Variants in EPHX2 observed in about 807,000 individuals in gnomAD.
EPHX2 encodes bifunctional epoxide hydrolase 2.
In EPHX2, 74 loss-of-function variants were observed where a neutral mutation model predicts 78.7. The observed-to-expected ratio is 0.94, with a 90% confidence interval of 0.78 to 1.14. EPHX2 has a LOEUF of 1.14. EPHX2 is among the 50% of genes most tolerant of loss of function. The pLI is 0.00. For missense variants in EPHX2, 715 were observed against 702.5 expected (o/e 1.02, Z -0.20); for synonymous variants, 251 against 255.2 (o/e 0.98, Z 0.16).
rs572291575 is a variant in EPHX2, at chr8:27,524,215, G to A, written c.1059-1147G>A. On this transcript the variant is annotated intron_variant, in intron 11 of 18. Coordinates refer to ENST00000521400, the MANE Select transcript of EPHX2 (RefSeq NM_001979.6). ...CCCAAAGTGCTGAGATTACAGGCAT[G>A]AGCCACTATGCTTGTCCGTCTTTTC... 9.8e-5 allele frequency among the ~76,000 whole-genome samples: 15 copies of A among 152,300 alleles called. No homozygotes were observed. In the South Asian group the frequency reaches 2.7e-3, roughly 27 times the overall value.
intron 1 of EPHX2, among the ~76,000 whole-genome samples, chr8:27,499,538 T>C (rs938549532): frequency 1.3e-5 from 2 of 152,204 alleles, no homozygotes; most frequent in African/African-American, 4.8e-5. Context: ...ATATTTGTTC[T>C]GTTACTCAGG....
chr8:27,518,731 C>T (rs1040506377), intron 9 of EPHX2, among the ~76,000 whole-genome samples: 2 of 152,240 alleles, frequency 1.3e-5, no homozygotes, highest in African/African-American at 4.8e-5. Context: ...GGGCTTCTCC[C>T]CCTCATGTGT....
rs191198725 is a variant in EPHX2 at position 27,532,236 on chromosome 8, C to A, written c.1171-4548C>A. On this transcript the variant is annotated intron_variant, in intron 12 of 18. Transcript: ENST00000521400. ...TCCCCTCAGCCCCCACATCAAGATA[C>A]CCCCTGGAGACATGCTTTAGTGTAA... Among the ~76,000 whole-genome samples the A allele has an allele frequency of 7.2e-5, 11 of 152,210 alleles. No individual in the cohort carries two copies. In the East Asian group the frequency reaches 1.6e-3, roughly 21 times the overall value.
intron 12 of EPHX2, 24 bp from the exon 13 acceptor site, chr8:27,536,760 A>AT: frequency 6.2e-7 from 1 of 1,610,594 alleles, no homozygotes; most frequent in Non-Finnish European, 8.5e-7. Context: ...GGGGTCCTTC[A>AT]TTTTGCTTTC....
In EPHX2 at chr8:27,537,001, A is replaced by G. The variant is rs565213143; in HGVS notation, c.1242+146A>G. Reference sequence around the variant, plus strand: ...TCAGGGTAATTGAGGTCCTCACTCTACTGGGAAAATTTACATCCTCGTTGA... The same window carrying G: ...TCAGGGTAATTGAGGTCCTCACTCTGCTGGGAAAATTTACATCCTCGTTGA... On this transcript the variant is annotated intron_variant, in intron 13 of 18. Coordinates refer to ENST00000521400, the MANE Select transcript of EPHX2 (RefSeq NM_001979.6). 7 of 751,128 alleles carry G rather than the reference A, an allele frequency of 9.3e-6. No homozygotes were observed. The South Asian group carries it at 1.2e-4, about 13-fold the overall frequency. The allele number at this position is 751,128 out of a possible 1,614,324, so 46.5% of individuals were successfully genotyped here.
intron 6 of EPHX2, among the ~76,000 whole-genome samples, chr8:27,514,090 G>GAA (rs1814353759): frequency 3.9e-5 from 6 of 152,332 alleles, no homozygotes; most frequent in African/African-American, 1.4e-4. Context: ...GGCCAAGGCA[G>GAA]GAGGATCACT....
Position 27,544,465 on chromosome 8 carries a change from C to A in EPHX2, c.1611C>A (p.Ile537=). ...CCAGGCCAACCGAGGTGAATCAGAT[C>A]CTCATTAAGTGGCTGGATTCTGATG... ...QMDKPTEVNQ[I]LIKWLDSDAR... is the part of the protein sequence containing the mutation. Residue 537 remains isoleucine, a synonymous_variant, in exon 19 of 19, where the codon ATC becomes ATA. Coordinates refer to ENST00000521400, the MANE Select transcript of EPHX2 (RefSeq NM_001979.6). 2 of 1,614,024 alleles carry A rather than the reference C, an allele frequency of 1.2e-6. No individual in the cohort carries two copies. The highest frequency in any genetic ancestry group is 1.7e-6 in the Non-Finnish European group (2 of 1,180,026).
intron 14 of EPHX2, 86 bp from the exon 15 acceptor site, chr8:27,540,468 G>A: frequency 1.7e-6 from 2 of 1,158,476 alleles, no homozygotes; most frequent in Admixed American, 1.8e-5. Flanking sequence ...AGTTCAGATG[G>A]TCTGCGAGAG....
In EPHX2 at chr8:27,544,193, A is replaced by G. The variant is rs767269176; in HGVS notation, c.1538A>G (p.His513Arg). 1.1e-5 allele frequency: 18 copies of G among 1,614,034 alleles called. No individual in the cohort carries two copies. The highest frequency in any genetic ancestry group is 1.3e-5 in the Non-Finnish European group (15 of 1,180,044). ...MSQHMEDWIPHLKRGHIEDCG... is the reference protein window; with the variant it reads ...MSQHMEDWIPRLKRGHIEDCG... ...CCTGGGGTTTCCTTTCAGATTCCCC[A>G]CCTGAAAAGGGGACACATTGAGGAC... is the stretch of plus-strand genomic sequence containing the variant. The change falls in exon 18 of 19, where the codon CAC becomes CGC. Residue 513 changes from histidine (H) to arginine (R), a missense_variant. Coordinates refer to ENST00000521400, the MANE Select transcript of EPHX2 (RefSeq NM_001979.6).
intron 8 of EPHX2, among the ~76,000 whole-genome samples, chr8:27,517,415 A>C (rs1057142626): frequency 1.3e-5 from 2 of 152,214 alleles, no homozygotes; most frequent in Non-Finnish European, 2.9e-5. Flanking sequence ...CCCACAAAAG[A>C]CTGCAAATAG....
intron 5 of EPHX2, among the ~76,000 whole-genome samples, chr8:27,507,871 G>A (rs1054791364): frequency 3.3e-5 from 5 of 152,138 alleles, no homozygotes; most frequent in African/African-American, 1.2e-4. Flanking sequence ...GTTTTTCCCT[G>A]TGTCTTTCTG....
chr8:27,532,333 C>T (rs1272081272), intron 12 of EPHX2, among the ~76,000 whole-genome samples: 1 of 152,172 alleles, frequency 6.6e-6, no homozygotes, highest in Non-Finnish European at 1.5e-5. Context: ...TTAGCTGAGA[C>T]CTTCTGACTC....
At chr8:27,495,918 T>G (rs1341721819) in intron 1 of EPHX2, among the ~76,000 whole-genome samples, 2 of 152,232 alleles carry the variant, frequency 1.3e-5, no homozygotes, top group East Asian at 3.9e-4. Context: ...AGGCTGTTTC[T>G]GCCTCTGGTT....
chr8:27,509,929 A>C (rs541045292), intron 5 of EPHX2, among the ~76,000 whole-genome samples: 1 of 152,092 alleles, frequency 6.6e-6, no homozygotes, highest in Non-Finnish European at 1.5e-5. Context: ...TGTATGACCT[A>C]GGAAACTGAG....
chr8:27,509,018 C>T (rs1178942224), intron 5 of EPHX2, among the ~76,000 whole-genome samples: 2 of 143,960 alleles, frequency 1.4e-5, no homozygotes, highest in Non-Finnish European at 3.0e-5. Flanking sequence ...CTACCTACAG[C>T]AGACGTGCTG....
chr8:27,517,812 A>G (rs1029488554), intron 8 of EPHX2, among the ~76,000 whole-genome samples: 3 of 152,232 alleles, frequency 2.0e-5, no homozygotes, highest in African/African-American at 7.2e-5. Context: ...AAAGCTTGAC[A>G]TTGGTCTTGG....
Position 27,517,306 on chromosome 8 carries a change from T to C in EPHX2, c.911-732T>C, listed in dbSNP as rs1050031632. On this transcript the variant is annotated intron_variant, in intron 8 of 18. Coordinates refer to ENST00000521400, the MANE Select transcript of EPHX2 (RefSeq NM_001979.6). ...TACTACCCATTGATTTGGGTACTCA[T>C]ATGACCCAAAGTAACCTACAGATGC... Among the ~76,000 whole-genome samples, 3 of 152,352 alleles carry C rather than the reference T, an allele frequency of 2.0e-5. No individual in the cohort carries two copies. The East Asian group carries it at 5.8e-4, about 29-fold the overall frequency.
intron 10 of EPHX2, 126 bp downstream of exon 10, chr8:27,521,035 C>A: frequency 9.3e-7 from 1 of 1,074,326 alleles, no homozygotes; most frequent in Non-Finnish European, 1.4e-6. Flanking sequence ...CAGTTTAGGG[C>A]AGAGTGGGCA....
In EPHX2 at chr8:27,521,916, G is replaced by T. The variant is rs751824664; in HGVS notation, c.973-507G>T. Among the ~76,000 whole-genome samples the T allele has an allele frequency of 6.1e-4, 93 of 152,326 alleles. 2 individuals are homozygous for T. Among genetic ancestry groups the T allele is most frequent in the Non-Finnish European group, 1.5e-4 (10 of 68,038 alleles). Reference sequence around the variant, plus strand: ...ACGTGTCCCCCTTGTTAAGTGACACGTGGCTATAGCTCTTCCATAAAGGGG... The same window carrying T: ...ACGTGTCCCCCTTGTTAAGTGACACTTGGCTATAGCTCTTCCATAAAGGGG... On this transcript the variant is annotated intron_variant, in intron 10 of 18. Coordinates refer to ENST00000521400, the MANE Select transcript of EPHX2 (RefSeq NM_001979.6).
Sources: gnomAD v4.1 joint callset for allele counts (sites outside exome capture counted in the v4.1 genomes callset) on GRCh38, gnomAD v4.1.1 for gene constraint, MANE v1.5 for transcripts, NCBI Gene and HGNC (gene_info 2026-07-23, HGNC 2026-07-21) for gene names.